The following KAZN variants were observed in gnomAD, a reference collection of about 807,000 sequenced individuals.
KAZN encodes kazrin, periplakin interacting protein, also known as kazrin.
Under a neutral mutation model 87.4 loss-of-function variants are expected in KAZN, and 40 were observed. The ratio of observed to expected loss-of-function variants is 0.46; its 90% CI spans 0.36 to 0.60. The LOEUF is 0.60. KAZN is among the 20% of genes least tolerant of loss of function. KAZN has a pLI of 0.00. For synonymous variants in KAZN, 466 were observed against 458.3 expected (o/e 1.02, Z -0.22); for missense variants, 898 against 1,073.9 (o/e 0.84, Z 2.29).
At chr1:14,047,924 G>A (rs1373623382) in intron 1 of KAZN, among the ~76,000 whole-genome samples, 1 of 151,780 alleles carries the variant, frequency 6.6e-6, no homozygotes, top group African/African-American at 2.4e-5. Context: ...AAAGAACAAA[G>A]GAGTTTAAAA....
At position 14,943,010 on chromosome 1, in the gene KAZN, GTGTGT is replaced by G. The variant is rs1661290304; in HGVS notation, c.227-17673_227-17669del. ...TGAGCTGCGTGTGTGTGTGTGTGGT[GTGTGT>G]GTGTGTGTGTGTGTGTGTGTGTGTG... On this transcript the variant is annotated intron_variant, in intron 1 of 14. Transcript: ENST00000376030. 1.5e-3 allele frequency among the ~76,000 whole-genome samples: 112 copies of G among 76,642 alleles called. 2 individuals carry two copies. The highest frequency in any genetic ancestry group is 6.9e-3 in the African/African-American group (108 of 15,692). The allele number at this position is 76,642 out of a possible 152,430, so 50.3% of individuals were successfully genotyped here. A position where few individuals can be genotyped will look rare whatever the true frequency, so the allele number is the denominator to read the frequency against.
intron 2 of KAZN, among the ~76,000 whole-genome samples, chr1:14,296,426 C>T (rs933836105): frequency 2.0e-5 from 3 of 152,146 alleles, no homozygotes; most frequent in African/African-American, 7.2e-5. Context: ...TAATCTCTGC[C>T]AGCCTCAGTA....
chr1:13,958,152 G>A (rs1040637767), intron 1 of KAZN, among the ~76,000 whole-genome samples: 5 of 152,196 alleles, frequency 3.3e-5, no homozygotes, highest in African/African-American at 9.7e-5. Flanking sequence ...CATGATGTGT[G>A]TGCACCCAGA....
chr1:15,055,174 G>A (rs1221774313), intron 4 of KAZN, among the ~76,000 whole-genome samples: 2 of 152,192 alleles, frequency 1.3e-5, no homozygotes, highest in African/African-American at 4.8e-5. Flanking sequence ...CCAAAAGAAT[G>A]GGTGGTAAGA....
rs1643876698 is a variant in KAZN, at chr1:14,735,585, A to G, written c.226+136362A>G. On this transcript the variant is annotated intron_variant, in intron 1 of 14. Coordinates refer to ENST00000376030, the MANE Select transcript of KAZN (RefSeq NM_201628.3). This position sits in a 1 kb window ranked among gnomAD's most constrained non-coding sequence, Gnocchi z 4.3. Reference sequence around the variant, plus strand: ...CCACACACCTAACGGCCGTTTTCACATGGCAGCCCCCCACGCTGAGATCCA... The same window carrying G: ...CCACACACCTAACGGCCGTTTTCACGTGGCAGCCCCCCACGCTGAGATCCA... 6.6e-6 allele frequency among the ~76,000 whole-genome samples: 1 copy of G among 152,112 alleles called. No homozygotes were observed. Among genetic ancestry groups the G allele is most frequent in the Admixed American group, 6.5e-5 (1 of 15,276 alleles).
chr1:14,369,524 GA>G (rs1274531682), intron 2 of KAZN, among the ~76,000 whole-genome samples: 2 of 152,200 alleles, frequency 1.3e-5, no homozygotes, highest in African/African-American at 2.4e-5. Flanking sequence ...TAAAAGGGAA[GA>G]GGGGCATTTA....
At chr1:14,616,283 G>A (rs559092582) in intron 1 of KAZN, among the ~76,000 whole-genome samples, 6 of 152,128 alleles carry the variant, frequency 3.9e-5, no homozygotes, top group South Asian at 4.2e-4. Context: ...TTCCTCATGC[G>A]GTGTCCCAGC....
At chr1:14,823,135 T>C (rs1352755700) in intron 1 of KAZN, among the ~76,000 whole-genome samples, 2 of 152,184 alleles carry the variant, frequency 1.3e-5, no homozygotes, top group African/African-American at 2.4e-5. Flanking sequence ...TCTGGGCATG[T>C]GGCACCACAC....
intron 1 of KAZN, among the ~76,000 whole-genome samples, chr1:14,102,475 T>G (rs10928007): frequency 6.6e-6 from 1 of 151,638 alleles, no homozygotes; most frequent in Non-Finnish European, 1.5e-5. Context: ...AAATGGGTGA[T>G]CCTAGTTCCT....
intron 2 of KAZN, among the ~76,000 whole-genome samples, chr1:14,399,456 T>C (rs1351467696): frequency 1.3e-5 from 2 of 152,158 alleles, no homozygotes; most frequent in African/African-American, 4.8e-5. Flanking sequence ...TCTAGATACC[T>C]TGATAGTCAT....
chr1:14,745,401 G>A (rs916228029), intron 1 of KAZN, among the ~76,000 whole-genome samples: 6 of 152,090 alleles, frequency 3.9e-5, no homozygotes, highest in African/African-American at 7.2e-5. Flanking sequence ...TGGCACAATC[G>A]TGGGCCTTTT....
chr1:14,700,385 C>A (rs567772836), intron 1 of KAZN, among the ~76,000 whole-genome samples: 13 of 151,848 alleles, frequency 8.6e-5, no homozygotes, highest in Non-Finnish European at 1.5e-4. Flanking sequence ...GGAGGAGAAT[C>A]GCTTGAACCC....
At chr1:15,057,479 C>G (rs1308890479) in intron 5 of KAZN, among the ~76,000 whole-genome samples, 2 of 152,172 alleles carry the variant, frequency 1.3e-5, no homozygotes, top group East Asian at 3.9e-4. Context: ...TTGTTGTCAT[C>G]ATTGATAGGT....
intron 2 of KAZN, among the ~76,000 whole-genome samples, chr1:14,336,765 C>T (rs1413546584): frequency 6.6e-6 from 1 of 152,152 alleles, no homozygotes; most frequent in Non-Finnish European, 1.5e-5. Context: ...GGACAAATGT[C>T]TATCCAAGTC....
rs1424609831 is a variant in KAZN at position 15,096,696 on chromosome 1, C to T, written c.1547+1763C>T. 2.0e-5 allele frequency among the ~76,000 whole-genome samples: 3 copies of T among 152,312 alleles called. No individual in the cohort carries two copies. The highest frequency in any genetic ancestry group is 4.8e-5 in the African/African-American group (2 of 41,566). On this transcript the variant is annotated intron_variant, in intron 10 of 14. Coordinates refer to ENST00000376030, the MANE Select transcript of KAZN (RefSeq NM_201628.3). This position sits in a 1 kb window ranked among gnomAD's most constrained non-coding sequence, Gnocchi z 4.5. ...CTCTTCCTGGCTTGCAGAAGGCAAC[C>T]TTCTTGCTGTGTCCTCACATGGGGA... is the stretch of plus-strand genomic sequence containing the variant.
rs760348837 is a variant in KAZN, at chr1:14,883,023, C to T, written c.227-77661C>T. Among the ~76,000 whole-genome samples the T allele has an allele frequency of 9.9e-5, 15 of 152,104 alleles. 1 individual carries two copies. The highest frequency in any genetic ancestry group is 6.8e-3 in the Middle Eastern group (2 of 294). On this transcript the variant is annotated intron_variant, in intron 1 of 14. Transcript: ENST00000376030. ...TCAAAAAGTGGTTCTTGGCCGGGCA[C>T]GGTGGCTCATACCTGTAATCCCAGC...
intron 2 of KAZN, among the ~76,000 whole-genome samples, chr1:14,305,331 C>A (rs909030512): frequency 3.9e-5 from 6 of 152,124 alleles, no homozygotes; most frequent in African/African-American, 7.2e-5. Context: ...TTTTAGAGGG[C>A]CTGACAACTT....
intron 8 of KAZN, among the ~76,000 whole-genome samples, chr1:15,084,696 C>T (rs1471844105): frequency 6.6e-6 from 1 of 152,172 alleles, no homozygotes; most frequent in Non-Finnish European, 1.5e-5. Flanking sequence ...TGAAGTGGCC[C>T]CTGGACCCAG....
chr1:14,570,712 T>G (rs1440107109), intron 2 of KAZN, among the ~76,000 whole-genome samples: 1 of 152,244 alleles, frequency 6.6e-6, no homozygotes, highest in Non-Finnish European at 1.5e-5. Context: ...AGTGTTTGTG[T>G]GGACGTATGT....
Sources: allele counts gnomAD v4.1 joint callset (sites outside exome capture counted in the v4.1 genomes callset), GRCh38; gene constraint gnomAD v4.1.1; non-coding constraint Gnocchi (gnomAD v3.1); transcripts MANE v1.5; gene names NCBI Gene and HGNC (gene_info 2026-07-23, HGNC 2026-07-21).